The following CISD1 variants were observed in gnomAD, a reference collection of about 807,000 sequenced individuals.
CISD1 encodes the protein CDGSH iron sulfur domain 1, also known as CDGSH iron-sulfur domain-containing protein 1.
Under a neutral mutation model 12.0 loss-of-function variants are expected in CISD1, and 8 were observed. The ratio of observed to expected loss-of-function variants is 0.67; its 90% CI spans 0.39 to 1.20. CISD1 has a LOEUF of 1.20. Among genes scored for constraint, CISD1 ranks in the 50% most tolerant of loss-of-function variants. The pLI, the probability that CISD1 is intolerant of heterozygous loss-of-function variation, is 0.01. For missense variants in CISD1, 107 were observed against 132.7 expected, an observed-to-expected ratio of 0.81 and a Z score of 0.95; for synonymous variants, 38 against 42.2, an observed-to-expected ratio of 0.90 and a Z score of 0.39.
intron 1 of CISD1, among the ~76,000 whole-genome samples, chr10:58,271,869 G>A (rs191263839): frequency 6.6e-6 from 1 of 152,182 alleles, no homozygotes; most frequent in Non-Finnish European, 1.5e-5. Flanking sequence ...GATAGCTCTT[G>A]ATACCAGTAT....
rs1420360834 is a variant in CISD1, at chr10:58,289,551, A to G, written c.*1901A>G. On this transcript the variant is annotated 3_prime_UTR_variant, in exon 3 of 3. Coordinates refer to ENST00000333926, the MANE Select transcript of CISD1 (RefSeq NM_018464.5). ...TTTGAACTAGCATTCATTTATGATT[A>G]AAACCCTTTTCAGGTTATTTGACCT... 1 of 152,108 alleles carries G rather than the reference A, an allele frequency of 6.6e-6. No homozygotes were observed. Among genetic ancestry groups the G allele is most frequent in the African/African-American group, 2.4e-5 (1 of 41,462 alleles). The allele number at this position is 152,108 out of a possible 1,614,324, so 9.4% of individuals were successfully genotyped here. A position where few individuals can be genotyped will look rare whatever the true frequency, so the allele number is the denominator to read the frequency against.
rs986114637 is a variant in CISD1 at position 58,288,187 on chromosome 10, CA to C, written c.*541del. 6.6e-6 allele frequency: 1 copy of C among 152,138 alleles called. No homozygotes were observed. Among genetic ancestry groups the C allele is most frequent in the Non-Finnish European group, 1.5e-5 (1 of 68,000 alleles). The allele number at this position is 152,138 out of a possible 1,614,324, so 9.4% of individuals were successfully genotyped here. On this transcript the variant is annotated 3_prime_UTR_variant, in exon 3 of 3. Transcript: ENST00000333926. ...GCTTCTGTTTTTCACCGTTTTCAAT[CA>C]AAATGATTGATAAATGTTATTCTGT...
chr10:58,270,855 CTT>C, intron 1 of CISD1, among the ~76,000 whole-genome samples: 1 of 152,214 alleles, frequency 6.6e-6, no homozygotes, highest in Non-Finnish European at 1.5e-5. Flanking sequence ...AAGTATTCAA[CTT>C]TGTTAGGAGG....
chr10:58,275,139 G>A (rs1479370686), intron 1 of CISD1, among the ~76,000 whole-genome samples: 1 of 152,138 alleles, frequency 6.6e-6, no homozygotes, highest in African/African-American at 2.4e-5. Context: ...TAGTCTTTTG[G>A]GATATTGCCC....
At chr10:58,282,425 C>T (rs1457117988) in intron 2 of CISD1, among the ~76,000 whole-genome samples, 2 of 152,188 alleles carry the variant, frequency 1.3e-5, no homozygotes, top group East Asian at 1.9e-4. Flanking sequence ...TAAATTATTA[C>T]GTCATCTCTT....
chr10:58,287,500 C>A, intron 2 of CISD1, 61 bp from the exon 3 acceptor site: 1 of 1,221,090 alleles, frequency 8.2e-7, no homozygotes. Flanking sequence ...ACCTTCCACT[C>A]TGCCGAGCAT....
chr10:58,269,431 G>A, intron 1 of CISD1, 127 bp downstream of exon 1: 3 of 833,342 alleles, frequency 3.6e-6, no homozygotes, highest in East Asian at 2.6e-5. Flanking sequence ...ATGCAGAAGG[G>A]CAAGCGCTCG....
In CISD1 at chr10:58,289,449, T is replaced by C. The variant is rs945310958; in HGVS notation, c.*1799T>C. On this transcript the variant is annotated 3_prime_UTR_variant, in exon 3 of 3. Transcript: ENST00000333926. ...TAAATGACCACCTTACTGTGAAATATAGATCTTGAGCATTTTGAAAGGCCA... is the reference window on the plus strand; with the variant it reads ...TAAATGACCACCTTACTGTGAAATACAGATCTTGAGCATTTTGAAAGGCCA... 5.9e-5 allele frequency: 9 copies of C among 152,080 alleles called. No homozygotes were observed. Among genetic ancestry groups the C allele is most frequent in the Non-Finnish European group, 8.8e-5 (6 of 67,920 alleles). 9.4% of individuals were successfully genotyped at this position (152,080 alleles called of 1,614,324 possible). A position where few individuals can be genotyped will look rare whatever the true frequency, so the allele number is the denominator to read the frequency against.
At chr10:58,276,508 C>T (rs1354952381) in intron 1 of CISD1, among the ~76,000 whole-genome samples, 4 of 151,826 alleles carry the variant, frequency 2.6e-5, no homozygotes, top group Non-Finnish European at 5.9e-5. Flanking sequence ...GACTTTGAAA[C>T]CTGGAATCCT....
intron 1 of CISD1, among the ~76,000 whole-genome samples, chr10:58,272,860 G>A (rs1190073174): frequency 3.9e-5 from 6 of 152,154 alleles, no homozygotes; most frequent in East Asian, 1.9e-4. Context: ...CAGAGGTTGC[G>A]GTGAGCTGAG....
chr10:58,269,215 C>T lies in CISD1; in HGVS notation c.-59C>T, dbSNP rs150889076. ...CCGCTGGCACCTTTACTCTCGCCGG[C>T]CGCGCGAACCCGTTTGAGCTCGGTA... On this transcript the variant is annotated 5_prime_UTR_variant, in exon 1 of 3. Transcript: ENST00000333926. 8.2e-6 allele frequency: 13 copies of T among 1,576,574 alleles called. No individual in the cohort carries two copies. In the African/African-American group the frequency reaches 1.1e-4, roughly 13 times the overall value.
chr10:58,280,805 T>G (rs1401053483), intron 2 of CISD1, among the ~76,000 whole-genome samples: 1 of 152,190 alleles, frequency 6.6e-6, no homozygotes, highest in Non-Finnish European at 1.5e-5. Flanking sequence ...AGGGAAAAGT[T>G]TCAATGATCT....
At chr10:58,271,043 A>ATTTTT (rs775206917) in intron 1 of CISD1, among the ~76,000 whole-genome samples, 2 of 128,762 alleles carry the variant, frequency 1.6e-5, no homozygotes, top group Admixed American at 7.5e-5. Flanking sequence ...TGCCATGACT[A>ATTTTT]TTTTTTTTTT....
In CISD1 at chr10:58,277,151, G is replaced by C. The variant is rs1002813195; in HGVS notation, c.66G>C (p.Gly22=). 2 of 1,611,012 alleles carry C rather than the reference G, an allele frequency of 1.2e-6. No individual in the cohort carries two copies. The highest frequency in any genetic ancestry group is 2.7e-5 in the African/African-American group (2 of 74,748). Residue 22 remains glycine (G), a synonymous_variant, in exon 2 of 3, where the codon GGG becomes GGC. Transcript: ENST00000333926. ...EWIAAVTIAA[G]TAAIGYLAYK... The stretch of plus-strand genomic sequence containing the variant: ...TCGCAGCAGTTACCATTGCTGCTGG[G>C]ACAGCTGCAATTGGTTATCTAGCTT...
chr10:58,285,644 C>A (rs1291857977), intron 2 of CISD1, among the ~76,000 whole-genome samples: 3 of 152,050 alleles, frequency 2.0e-5, no homozygotes, highest in Non-Finnish European at 2.9e-5. Flanking sequence ...ATAATTATTC[C>A]TTCTAAGTGT....
intron 2 of CISD1, among the ~76,000 whole-genome samples, chr10:58,277,923 C>A (rs528740008): frequency 6.6e-6 from 1 of 152,306 alleles, no homozygotes; most frequent in South Asian, 2.1e-4. Context: ...AAAGAAACTT[C>A]TTTAAAATCA....
rs1365456163 is a variant in CISD1 at position 58,288,248 on chromosome 10, G to A, written c.*598G>A. Reference sequence around the variant, plus strand: ...TAAGTCAGGTCAATAATAAAGGGGTGGTAACTTCCTCATATTTATCTTCAC... The same window carrying A: ...TAAGTCAGGTCAATAATAAAGGGGTAGTAACTTCCTCATATTTATCTTCAC... On this transcript the variant is annotated 3_prime_UTR_variant, in exon 3 of 3. Transcript: ENST00000333926. 1 of 152,142 alleles carries A rather than the reference G, an allele frequency of 6.6e-6. No individual in the cohort carries two copies. The highest frequency in any genetic ancestry group is 1.5e-5 in the Non-Finnish European group (1 of 67,976). 9.4% of individuals were successfully genotyped at this position (152,142 alleles called of 1,614,324 possible). A position where few individuals can be genotyped will look rare whatever the true frequency, so the allele number is the denominator to read the frequency against.
intron 2 of CISD1, among the ~76,000 whole-genome samples, chr10:58,286,410 T>C (rs1839430631): frequency 6.6e-6 from 1 of 152,196 alleles, no homozygotes; most frequent in South Asian, 2.1e-4. Flanking sequence ...CCTCCAGTAA[T>C]GCTGAAGCAA....
chr10:58,270,721 A>G (rs1051847927), intron 1 of CISD1, among the ~76,000 whole-genome samples: 8 of 152,230 alleles, frequency 5.3e-5, no homozygotes, highest in Admixed American at 3.3e-4. Flanking sequence ...AGACAAGACA[A>G]GGTTTTTTGT....
Sources: allele counts gnomAD v4.1 joint callset (sites outside exome capture counted in the v4.1 genomes callset), GRCh38; gene constraint gnomAD v4.1.1; transcripts MANE v1.5; gene names NCBI Gene and HGNC (gene_info 2026-07-23, HGNC 2026-07-21).